CEMIP: variants seen among roughly 807,000 people sequenced by gnomAD.
CEMIP encodes cell migration-inducing and hyaluronan-binding protein.
CEMIP carries 105 observed loss-of-function variants against 156.9 expected under a neutral mutation model. The observed-to-expected ratio is 0.67, with a 90% CI of 0.57 to 0.79. The LOEUF is 0.79. Ranked by LOEUF, CEMIP falls within the 30% of genes least tolerant of loss-of-function variation. The pLI is 0.00. For synonymous variants in CEMIP, 676 were observed against 668.4 expected, an observed-to-expected ratio of 1.01 and a Z score of -0.17; for missense variants, 1,457 against 1,769.4, an observed-to-expected ratio of 0.82 and a Z score of 3.17.
At chr15:80,848,900 G>GCACATACACACA (rs1555430243) in intron 1 of CEMIP, among the ~76,000 whole-genome samples, 7 of 134,576 alleles carry the variant, frequency 5.2e-5, no homozygotes, top group Non-Finnish European at 7.6e-5. Flanking sequence ...GTGTGCGCGT[G>GCACATACACACA]CACACACACA....
chr15:80,799,773 T>C (rs1485857684), intron 1 of CEMIP, among the ~76,000 whole-genome samples: 4 of 152,194 alleles, frequency 2.6e-5, no homozygotes, highest in Non-Finnish European at 5.9e-5. Context: ...TGCAGCAACA[T>C]GGTAGTATAA....
intron 12 of CEMIP, among the ~76,000 whole-genome samples, chr15:80,902,832 A>C (rs1328775711): frequency 6.6e-6 from 1 of 152,170 alleles, no homozygotes; most frequent in Non-Finnish European, 1.5e-5. Context: ...GGTGCTAGTG[A>C]CAGCTGCAGG....
Position 80,889,612 on chromosome 15 carries a change from A to G in CEMIP, c.1086+20A>G. On this transcript the variant is annotated intron_variant, in intron 10 of 29. Coordinates refer to ENST00000394685, the MANE Select transcript of CEMIP (RefSeq NM_001293298.2). ...ATACAGGTACCAAACTCACAGCAAAAATAGAAAATAGAAATGTGTTGTTTT... is the reference window on the plus strand; with the variant it reads ...ATACAGGTACCAAACTCACAGCAAAGATAGAAAATAGAAATGTGTTGTTTT... 1 of 1,613,482 alleles carries G rather than the reference A, an allele frequency of 6.2e-7. No homozygotes were observed. Among genetic ancestry groups the G allele is most frequent in the Non-Finnish European group, 8.5e-7 (1 of 1,179,646 alleles).
At chr15:80,926,827 G>C (rs999299892) in intron 19 of CEMIP, among the ~76,000 whole-genome samples, 2 of 123,654 alleles carry the variant, frequency 1.6e-5, no homozygotes, top group Non-Finnish European at 3.3e-5. Context: ...GGTGGGGGGG[G>C]GGGGTCTTCT....
chr15:80,838,980 A>T (rs979443966), intron 1 of CEMIP, among the ~76,000 whole-genome samples: 1 of 152,216 alleles, frequency 6.6e-6, no homozygotes, highest in Non-Finnish European at 1.5e-5. Flanking sequence ...AGGGGGTTTA[A>T]GTCACAGGGT....
At chr15:80,897,015 T>G (rs1041210316) in intron 12 of CEMIP, among the ~76,000 whole-genome samples, 4 of 152,178 alleles carry the variant, frequency 2.6e-5, no homozygotes, top group Admixed American at 2.0e-4. Flanking sequence ...GCTTGTGTGC[T>G]CACCCTTTGG....
At chr15:80,804,056 A>G (rs1010354065) in intron 1 of CEMIP, among the ~76,000 whole-genome samples, 4 of 152,178 alleles carry the variant, frequency 2.6e-5, no homozygotes, top group Non-Finnish European at 4.4e-5. Flanking sequence ...TGTGCAGGGG[A>G]ACTCCCCTTT....
chr15:80,882,220 A>G (rs918868323), intron 6 of CEMIP, among the ~76,000 whole-genome samples: 2 of 152,236 alleles, frequency 1.3e-5, no homozygotes, highest in African/African-American at 4.8e-5. Flanking sequence ...ATTAGTACCT[A>G]TAACAGTCAC....
Position 80,942,316 on chromosome 15 carries a change from G to C in CEMIP, c.3678G>C (p.Trp1226Cys). ...CCAAGCAGCACTTCTTCCACCTCTG[G>C]AACGACTTCGCTTACATTGAAGTAA... Reference protein sequence around the residue: ...ESSKQHFFHLWNDFAYIEVDG... With the variant: ...ESSKQHFFHLCNDFAYIEVDG... The change falls in exon 27 of 30, where the codon TGG (tryptophan) becomes TGC (cysteine). Residue 1226 changes from tryptophan to cysteine, a missense_variant. Trp to Cys is a radical substitution (Grantham distance 215). This residue lies in a region of CEMIP where 798 missense variants were observed against 980.1 expected (regional missense o/e 0.81). Coordinates refer to ENST00000394685, the MANE Select transcript of CEMIP (RefSeq NM_001293298.2). The C allele has an allele frequency of 1.2e-6, 2 of 1,614,150 alleles. No homozygotes were observed. Among genetic ancestry groups the C allele is most frequent in the Non-Finnish European group, 1.7e-6 (2 of 1,179,972 alleles).
intron 1 of CEMIP, among the ~76,000 whole-genome samples, chr15:80,792,782 T>G (rs1349558166): frequency 6.6e-6 from 1 of 152,122 alleles, no homozygotes; most frequent in Non-Finnish European, 1.5e-5. Flanking sequence ...AGTGTTCCCT[T>G]GCAGAGATAG....
chr15:80,897,188 A>G lies in CEMIP; in HGVS notation c.1411+1128A>G, dbSNP rs1309060572. 4 of 448,488 alleles carry G rather than the reference A, an allele frequency of 8.9e-6. No homozygotes were observed. The Admixed American group carries it at 9.5e-5, about 11-fold the overall frequency. 27.8% of individuals were successfully genotyped at this position (448,488 alleles called of 1,614,324 possible). ...CATGCTACAGGACCATACCACCTGG[A>G]GGAGTATTAGAATATGGGGTTGGGA... On this transcript the variant is annotated intron_variant, in intron 12 of 29. Transcript: ENST00000394685.
chr15:80,851,372 T>C (rs1262871625), intron 1 of CEMIP, among the ~76,000 whole-genome samples: 4 of 152,172 alleles, frequency 2.6e-5, no homozygotes, highest in African/African-American at 9.7e-5. Context: ...ATTGATTCTG[T>C]GATTCATCCC....
chr15:80,935,800 G>A (rs1373622837), intron 23 of CEMIP, among the ~76,000 whole-genome samples: 2 of 152,112 alleles, frequency 1.3e-5, no homozygotes, highest in Admixed American at 6.5e-5. Flanking sequence ...GGGCAATGGC[G>A]TGATCTCGGC....
intron 1 of CEMIP, among the ~76,000 whole-genome samples, chr15:80,818,422 C>T (rs1370281870): frequency 6.6e-6 from 1 of 152,114 alleles, no homozygotes; most frequent in Non-Finnish European, 1.5e-5. Context: ...ATCATGGGCC[C>T]AAAGGAGAAG....
chr15:80,909,710 CT>C (rs1899971340), intron 14 of CEMIP: 3 of 439,882 alleles, frequency 6.8e-6, no homozygotes, highest in Non-Finnish European at 1.4e-5. Context: ...CAACAATGGG[CT>C]TTTTTTCTTC....
intron 1 of CEMIP, among the ~76,000 whole-genome samples, chr15:80,801,184 AT>A (rs1192343791): frequency 6.6e-6 from 1 of 152,206 alleles, no homozygotes; most frequent in Non-Finnish European, 1.5e-5. Flanking sequence ...TTGCTGTGTA[AT>A]AAACCACCCC....
intron 10 of CEMIP, among the ~76,000 whole-genome samples, chr15:80,891,443 C>T (rs1054580947): frequency 6.6e-6 from 1 of 152,182 alleles, no homozygotes; most frequent in Admixed American, 6.5e-5. Context: ...ATTGCAAGAC[C>T]TAGTTTTCTT....
intron 19 of CEMIP, among the ~76,000 whole-genome samples, chr15:80,926,831 G>GGGC (rs1900696426): frequency 9.4e-6 from 1 of 106,544 alleles, no homozygotes; most frequent in African/African-American, 5.1e-5. Context: ...GGGGGGGGGG[G>GGGC]TCTTCTTTTT....
intron 28 of CEMIP, among the ~76,000 whole-genome samples, chr15:80,945,766 T>C (rs892153860): frequency 6.6e-6 from 1 of 152,212 alleles, no homozygotes; most frequent in South Asian, 2.1e-4. Flanking sequence ...GGACGCCCCA[T>C]TGAGCTTCTG....
Sources: allele counts gnomAD v4.1 joint callset (sites outside exome capture counted in the v4.1 genomes callset), GRCh38; gene constraint gnomAD v4.1.1; regional missense constraint gnomAD v4.1.1; transcripts MANE v1.5; gene names NCBI Gene and HGNC (gene_info 2026-07-23, HGNC 2026-07-21).